SHANK2: variants seen among roughly 807,000 people sequenced by gnomAD.
SHANK2 encodes the protein SH3 and multiple ankyrin repeat domains protein 2.
SHANK2 carries 43 observed loss-of-function variants against 133.7 expected under a neutral mutation model. The ratio of observed to expected loss-of-function variants is 0.32; its 90% confidence interval spans 0.25 to 0.41. SHANK2 has a LOEUF of 0.41. Among genes scored for constraint, SHANK2 ranks in the 10% least tolerant of loss-of-function variants. The pLI is 1.00. For missense variants in SHANK2, 1,994 were observed against 2,235.8 expected, an observed-to-expected ratio of 0.89 and a Z score of 2.18; for synonymous variants, 1,017 against 952.8, an observed-to-expected ratio of 1.07 and a Z score of -1.24.
intron 11 of SHANK2, among the ~76,000 whole-genome samples, chr11:70,840,207 C>T (rs115680191): frequency 5.3e-5 from 8 of 152,342 alleles, no homozygotes; most frequent in African/African-American, 1.9e-4. Context: ...AATGTCAAAG[C>T]CAACCAGAGG....
chr11:70,915,474 T>A (rs1300602185), intron 10 of SHANK2, among the ~76,000 whole-genome samples: 1 of 152,150 alleles, frequency 6.6e-6, no homozygotes, highest in Non-Finnish European at 1.5e-5. Context: ...TGCATCCAAG[T>A]ATGGGAAGGG....
intron 11 of SHANK2, among the ~76,000 whole-genome samples, chr11:70,853,132 G>A (rs886447742): frequency 1.2e-4 from 18 of 152,234 alleles, no homozygotes; most frequent in Non-Finnish European, 1.2e-4. Flanking sequence ...TCCTTGGCAG[G>A]GTCCTCCTGG....
intron 18 of SHANK2, among the ~76,000 whole-genome samples, 191 bp downstream of exon 18, chr11:70,502,605 G>A (rs1162056002): frequency 1.3e-5 from 2 of 152,148 alleles, no homozygotes; most frequent in South Asian, 2.1e-4. Flanking sequence ...GGATGATTCC[G>A]GCAGCGTGTG....
At chr11:71,213,051 G>A (rs1284210908) in intron 2 of SHANK2, among the ~76,000 whole-genome samples, 6 of 152,104 alleles carry the variant, frequency 3.9e-5, no homozygotes, top group Non-Finnish European at 7.4e-5. Context: ...AGCAGGAACC[G>A]AAAGACACTG....
chr11:70,539,524 C>CT (rs1243239837), intron 17 of SHANK2, among the ~76,000 whole-genome samples: 2 of 101,582 alleles, frequency 2.0e-5, no homozygotes, highest in South Asian at 8.6e-4. Flanking sequence ...GCCACGCTCA[C>CT]CACGCTCACT....
intron 10 of SHANK2, among the ~76,000 whole-genome samples, chr11:70,948,064 A>T (rs1555085772): frequency 6.6e-6 from 1 of 151,770 alleles, no homozygotes; most frequent in African/African-American, 2.4e-5. Context: ...TGCACGTGTC[A>T]GCCCCACTCT....
At chr11:71,169,949 G>A (rs1349551764) in intron 2 of SHANK2, among the ~76,000 whole-genome samples, 2 of 152,090 alleles carry the variant, frequency 1.3e-5, no homozygotes, top group African/African-American at 2.4e-5. Context: ...GTTCAAGGCT[G>A]CAGTGCTCTG....
chr11:71,246,082 C>G (rs1954957041), intron 1 of SHANK2, among the ~76,000 whole-genome samples: 1 of 152,122 alleles, frequency 6.6e-6, no homozygotes, highest in Non-Finnish European at 1.5e-5. Flanking sequence ...CCCCAGGAAG[C>G]CTGCATTCTC....
intron 14 of SHANK2, among the ~76,000 whole-genome samples, chr11:70,761,743 C>A (rs1202636173): frequency 1.3e-5 from 2 of 152,264 alleles, no homozygotes; most frequent in African/African-American, 4.8e-5. Flanking sequence ...GGTGACCATG[C>A]CCATGCTGTG....
intron 2 of SHANK2, among the ~76,000 whole-genome samples, chr11:71,167,171 G>A (rs1227846577): frequency 6.6e-6 from 1 of 151,952 alleles, no homozygotes; most frequent in Non-Finnish European, 1.5e-5. Flanking sequence ...AAAATGAAAA[G>A]TCTCCCACGT....
chr11:70,526,383 G>A (rs1469340322), intron 17 of SHANK2, among the ~76,000 whole-genome samples: 2 of 152,186 alleles, frequency 1.3e-5, no homozygotes, highest in Non-Finnish European at 2.9e-5. Context: ...GCTGGCTCTC[G>A]CTGGGTCACA....
At chr11:71,179,663 A>T (rs1272377560) in intron 2 of SHANK2, among the ~76,000 whole-genome samples, 1 of 152,236 alleles carries the variant, frequency 6.6e-6, no homozygotes, top group East Asian at 1.9e-4. Context: ...TGCAGAAGAC[A>T]TGATTGTCCC....
intron 17 of SHANK2, among the ~76,000 whole-genome samples, chr11:70,657,691 G>A (rs1050227906): frequency 1.3e-5 from 2 of 152,170 alleles, no homozygotes; most frequent in African/African-American, 4.8e-5. Flanking sequence ...TGCATCTCAG[G>A]ACCAGCCATT....
intron 15 of SHANK2, among the ~76,000 whole-genome samples, chr11:70,679,118 G>A (rs1481033284): frequency 4.6e-5 from 7 of 152,202 alleles, no homozygotes; most frequent in Admixed American, 1.3e-4. Context: ...AGTAAAACAC[G>A]GCTGACCGCA....
At chr11:70,553,052 C>T (rs994126134) in intron 17 of SHANK2, among the ~76,000 whole-genome samples, 1 of 152,098 alleles carries the variant, frequency 6.6e-6, no homozygotes, top group Non-Finnish European at 1.5e-5. Context: ...ACAGTGATAT[C>T]GGATTAAGGC....
At chr11:70,652,532 C>T (rs781845558) in intron 17 of SHANK2, among the ~76,000 whole-genome samples, 6 of 152,004 alleles carry the variant, frequency 3.9e-5, no homozygotes, top group African/African-American at 1.4e-4. Flanking sequence ...TGACTGAGGC[C>T]GGGTGGGGTG....
intron 17 of SHANK2, among the ~76,000 whole-genome samples, chr11:70,657,455 A>C (rs1020474375): frequency 6.6e-6 from 1 of 152,216 alleles, no homozygotes; most frequent in Non-Finnish European, 1.5e-5. Context: ...CGCTAGGAAC[A>C]CAACTCAATG....
At chr11:71,075,413 A>AC (rs1951205921) in intron 8 of SHANK2, 138 bp from the exon 9 acceptor site, 1 of 158,028 alleles carries the variant, frequency 6.3e-6, no homozygotes, top group Admixed American at 6.5e-5. Flanking sequence ...CCAACCACCC[A>AC]CCCACCATCT....
At chr11:70,494,669 C>T (rs916497745) in intron 21 of SHANK2, among the ~76,000 whole-genome samples, 3 of 152,326 alleles carry the variant, frequency 2.0e-5, no homozygotes, top group East Asian at 1.9e-4. Context: ...ATGGCTGTCA[C>T]GCCCAGCACA....
Sources: gnomAD v4.1 joint callset for allele counts (sites outside exome capture counted in the v4.1 genomes callset) on GRCh38, gnomAD v4.1.1 for gene constraint, MANE v1.5 for transcripts, NCBI Gene and HGNC (gene_info 2026-07-23, HGNC 2026-07-21) for gene names.